CACNA1B: variants seen among roughly 807,000 people sequenced by gnomAD.
The protein encoded by CACNA1B is calcium voltage-gated channel subunit alpha1 B, also known as voltage-dependent N-type calcium channel subunit alpha-1B.
A neutral mutation model predicts 247.2 loss-of-function variants in CACNA1B; 70 were observed. That is an observed-to-expected ratio of 0.28 (90% CI 0.23 to 0.35). CACNA1B has a LOEUF of 0.35. Ranked by LOEUF, CACNA1B falls within the 10% of genes least tolerant of loss-of-function variation. The pLI is 1.00. For synonymous variants in CACNA1B, 1,231 were observed against 1,294.4 expected (o/e 0.95, Z 1.05); for missense variants, 2,367 against 3,197.4 (o/e 0.74, Z 6.26).
rs1457751838 is a variant in CACNA1B, at chr9:138,014,264, G to A, written c.2267+1029G>A. ...AGAGTTGCACAGTGAGCATGTGTGT[G>A]AGTGCATGTGCTGAGTGTGTGCACC... is the stretch of plus-strand genomic sequence containing the variant. On this transcript the variant is annotated intron_variant, in intron 18 of 46. Transcript: ENST00000371372. The surrounding 1 kb of genome is among the most constrained non-coding windows in gnomAD (Gnocchi z 6.2). 2.0e-5 allele frequency among the ~76,000 whole-genome samples: 3 copies of A among 152,198 alleles called. No homozygotes were observed. Among genetic ancestry groups the A allele is most frequent in the Non-Finnish European group, 4.4e-5 (3 of 68,038 alleles).
intron 3 of CACNA1B, among the ~76,000 whole-genome samples, chr9:137,905,334 C>G (rs1957286467): frequency 6.9e-6 from 1 of 145,378 alleles, no homozygotes; most frequent in Non-Finnish European, 1.5e-5. Context: ...GCCTGGGTGA[C>G]AGAGTGAGAC....
rs2133345623 is a variant in CACNA1B at position 137,957,419 on chromosome 9, G to A, written c.1244-179G>A. On this transcript the variant is annotated intron_variant, in intron 9 of 46. Transcript: ENST00000371372. The surrounding 1 kb of genome is among the most constrained non-coding windows in gnomAD (Gnocchi z 4.7). The stretch of plus-strand genomic sequence containing the variant: ...ACCCTCAAAATTCCTTGTCCCTTCA[G>A]CTCTGGGGACTGGGAGGGACCCAAG... 6.6e-6 allele frequency among the ~76,000 whole-genome samples: 1 copy of A among 152,328 alleles called. No individual in the cohort carries two copies. Among genetic ancestry groups the A allele is most frequent in the South Asian group, 2.1e-4 (1 of 4,830 alleles).
chr9:137,992,313 T>C (rs551342012), intron 15 of CACNA1B, among the ~76,000 whole-genome samples: 2 of 152,254 alleles, frequency 1.3e-5, no homozygotes. Context: ...AAACAGACTT[T>C]AGAGCAACAG....
chr9:138,016,692 G>A (rs953018392), intron 18 of CACNA1B, among the ~76,000 whole-genome samples: 3 of 152,202 alleles, frequency 2.0e-5, no homozygotes, highest in Admixed American at 1.3e-4. Context: ...AGGGTGCGGG[G>A]GCACCCTCGC....
Position 138,118,099 on chromosome 9 carries a change from CTAGT to C in CACNA1B, c.5913+19_5913+22del, listed in dbSNP as rs773204267. 2 of 1,354,254 alleles carry C rather than the reference CTAGT, an allele frequency of 1.5e-6. No homozygotes were observed. The highest frequency in any genetic ancestry group is 1.9e-6 in the Non-Finnish European group (2 of 1,034,978). 83.9% of individuals were successfully genotyped at this position (1,354,254 alleles called of 1,614,324 possible). On this transcript the variant is annotated intron_variant, in intron 43 of 46. Transcript: ENST00000371372. The stretch of plus-strand genomic sequence containing the variant: ...GAGCACTGGTGAGCACTCCCGGGGG[CTAGT>C]GAGACTGGGTTGGGGGATGTGTGAA...
chr9:138,068,483 C>T (rs1589109028), intron 31 of CACNA1B: 1 of 445,558 alleles, frequency 2.2e-6, no homozygotes, highest in East Asian at 6.7e-5. Context: ...CCCCCTAGCA[C>T]TGGTGTTGTG....
chr9:137,960,216 G>A (rs1440621656), intron 10 of CACNA1B, among the ~76,000 whole-genome samples: 9 of 148,706 alleles, frequency 6.1e-5, no homozygotes, highest in East Asian at 2.0e-4. Flanking sequence ...GGGAGGGAAG[G>A]TCGGCCGGAG....
chr9:138,040,502 T>C, intron 20 of CACNA1B: 1 of 315,592 alleles, frequency 3.2e-6, no homozygotes, highest in Middle Eastern at 1.1e-3. Flanking sequence ...ATATAAATGA[T>C]ATATGTATGG....
chr9:137,978,295 G>GCC (rs1417487425), intron 12 of CACNA1B, among the ~76,000 whole-genome samples: 1 of 129,536 alleles, frequency 7.7e-6, no homozygotes, highest in African/African-American at 3.0e-5. Flanking sequence ...TGGGAGCACT[G>GCC]CCCCCCCAGG....
In CACNA1B at chr9:138,000,518, T is replaced by C. The variant is rs1163981968; in HGVS notation, c.1975-6249T>C. On this transcript the variant is annotated intron_variant, in intron 15 of 46. Coordinates refer to ENST00000371372, the MANE Select transcript of CACNA1B (RefSeq NM_000718.4). The stretch of plus-strand genomic sequence containing the variant: ...TAACAGACAGTCAAAGTTCTCTTCC[T>C]ATCTTTCTGCCTCCTGCCTGGGGCC... Among the ~76,000 whole-genome samples the C allele has an allele frequency of 3.9e-5, 6 of 152,362 alleles. No homozygotes were observed. In the East Asian group the frequency reaches 1.2e-3, roughly 29 times the overall value.
chr9:138,104,029 G>T (rs1166594954), intron 38 of CACNA1B, among the ~76,000 whole-genome samples: 1 of 152,250 alleles, frequency 6.6e-6, no homozygotes, highest in African/African-American at 2.4e-5. Flanking sequence ...GGGGCAAGCA[G>T]GCAGGGCCAT....
intron 8 of CACNA1B, 65 bp from the exon 9 acceptor site, chr9:137,956,706 G>A: frequency 7.6e-7 from 1 of 1,321,644 alleles, no homozygotes; most frequent in Non-Finnish European, 1.1e-6. Context: ...ACAGAGATGT[G>A]CCTCTGTCCT....
rs1401142656 is a variant in CACNA1B, at chr9:137,909,357, T to C, written c.531-3823T>C. ...TGCCTATTAAGCAAGAACTCCCCAC[T>C]TCCCTTCCTTCAGCCTTGGCTTAGC... On this transcript the variant is annotated intron_variant, in intron 3 of 46. Coordinates refer to ENST00000371372, the MANE Select transcript of CACNA1B (RefSeq NM_000718.4). Among the ~76,000 whole-genome samples, 3 of 152,176 alleles carry C rather than the reference T, an allele frequency of 2.0e-5. No individual in the cohort carries two copies. In the South Asian group the frequency reaches 6.2e-4, roughly 31 times the overall value.
rs935975981 is a variant in CACNA1B at position 138,059,214 on chromosome 9, C to T, written c.4584+25C>T. ...GGTACGTGCTTTGGTCCCTGCTTTGCCTTTTGACAACCTATATTCTGGTTC... is the reference window on the plus strand; with the variant it reads ...GGTACGTGCTTTGGTCCCTGCTTTGTCTTTTGACAACCTATATTCTGGTTC... On this transcript the variant is annotated intron_variant, in intron 30 of 46. Coordinates refer to ENST00000371372, the MANE Select transcript of CACNA1B (RefSeq NM_000718.4). This position sits in a 1 kb window ranked among gnomAD's most constrained non-coding sequence, Gnocchi z 4.2. 11 of 1,410,360 alleles carry T rather than the reference C, an allele frequency of 7.8e-6. No homozygotes were observed. Among genetic ancestry groups the T allele is most frequent in the Non-Finnish European group, 1.1e-5 (11 of 997,274 alleles). The allele number at this position is 1,410,360 out of a possible 1,614,324, so 87.4% of individuals were successfully genotyped here.
intron 12 of CACNA1B, among the ~76,000 whole-genome samples, chr9:137,983,900 G>T (rs1490136028): frequency 1.7e-5 from 2 of 120,726 alleles, no homozygotes; most frequent in Non-Finnish European, 3.3e-5. Context: ...TGTCTGGGGT[G>T]GGGGGTGGGA....
rs1957052101 is a variant in CACNA1B, at chr9:137,888,651, C to T, written c.530+5768C>T. On this transcript the variant is annotated intron_variant, in intron 3 of 46. Transcript: ENST00000371372. The surrounding 1 kb of genome is among the most constrained non-coding windows in gnomAD (Gnocchi z 4.7). The stretch of plus-strand genomic sequence containing the variant: ...TTAGAGCCCAGCTTTCTCCCTGGAC[C>T]CGGCCTCCTGTGGGTTGAAGAGAGG... Among the ~76,000 whole-genome samples, 1 of 152,164 alleles carries T rather than the reference C, an allele frequency of 6.6e-6. No homozygotes were observed. Among genetic ancestry groups the T allele is most frequent in the African/African-American group, 2.4e-5 (1 of 41,456 alleles).
chr9:138,030,794 T>C (rs1173425834), intron 20 of CACNA1B, among the ~76,000 whole-genome samples: 1 of 152,190 alleles, frequency 6.6e-6, no homozygotes, highest in Non-Finnish European at 1.5e-5. Context: ...TAGTAGTTTG[T>C]GCTTTATGAG....
At chr9:137,898,286 G>A (rs1211423028) in intron 3 of CACNA1B, among the ~76,000 whole-genome samples, 1 of 152,144 alleles carries the variant, frequency 6.6e-6, no homozygotes, top group African/African-American at 2.4e-5. Context: ...GATGCATCTT[G>A]TTTTGATTAT....
chr9:138,052,420 C>T lies in CACNA1B; in HGVS notation c.3807+232C>T, dbSNP rs1010343290. ...CTTAGCCCAGCAGGACCAGGCGGCA[C>T]AGGGTTTTTCTTCAGCAGCTGCAGT... On this transcript the variant is annotated intron_variant, in intron 25 of 46. Transcript: ENST00000371372. The surrounding 1 kb of genome is among the most constrained non-coding windows in gnomAD (Gnocchi z 5.1). Among the ~76,000 whole-genome samples the T allele has an allele frequency of 5.9e-5, 9 of 152,122 alleles. No homozygotes were observed. Among genetic ancestry groups the T allele is most frequent in the Non-Finnish European group, 1.0e-4 (7 of 68,028 alleles).
Sources: allele counts gnomAD v4.1 joint callset (sites outside exome capture counted in the v4.1 genomes callset), GRCh38; gene constraint gnomAD v4.1.1; non-coding constraint Gnocchi (gnomAD v3.1); transcripts MANE v1.5; gene names NCBI Gene and HGNC (gene_info 2026-07-23, HGNC 2026-07-21).